Variants in FKBP1A observed in about 807,000 individuals in gnomAD.
The protein encoded by FKBP1A is FKBP prolyl isomerase 1A, also known as peptidyl-prolyl cis-trans isomerase FKBP1A.
Under a neutral mutation model 14.2 loss-of-function variants are expected in FKBP1A, and 5 were observed. That is an observed-to-expected ratio of 0.35 (90% CI 0.18 to 0.74). FKBP1A has a LOEUF of 0.74. FKBP1A is among the 30% of genes least tolerant of loss of function. The pLI is 0.56. For synonymous variants in FKBP1A, 42 were observed against 49.1 expected (o/e 0.86, Z 0.60); for missense variants, 53 against 138.8 (o/e 0.38, Z 3.10).
At position 1,380,080 on chromosome 20, in the gene FKBP1A, C is replaced by T. The variant is rs1293230684; in HGVS notation, c.86-4477G>A. 2.6e-5 allele frequency among the ~76,000 whole-genome samples: 4 copies of T among 151,960 alleles called. No homozygotes were observed. The East Asian group carries it at 7.7e-4, about 29-fold the overall frequency. On this transcript the variant is annotated intron_variant, in intron 2 of 4. Transcript: ENST00000400137. Reference sequence around the variant, plus strand: ...ACAACCAACAACCAACCAACCAACCCCTTCCTCCCTACAAAAAGTCCACTA... The same window carrying T: ...ACAACCAACAACCAACCAACCAACCTCTTCCTCCCTACAAAAAGTCCACTA...
Position 1,379,351 on chromosome 20 carries a change from T to TCTGCTG in FKBP1A, c.86-3754_86-3749dup, listed in dbSNP as rs919112170. The stretch of plus-strand genomic sequence containing the variant: ...AGCACTAGGCAGGACACAGCCTGAA[T>TCTGCTG]CTGCTGCTGCTGCTGCTGCTGAGCC... On this transcript the variant is annotated intron_variant, in intron 2 of 4. Coordinates refer to ENST00000400137, the MANE Select transcript of FKBP1A (RefSeq NM_000801.5). This position sits in a 1 kb window ranked among gnomAD's most constrained non-coding sequence, Gnocchi z 4.3. 6.6e-6 allele frequency among the ~76,000 whole-genome samples: 1 copy of TCTGCTG among 151,974 alleles called. No homozygotes were observed. The highest frequency in any genetic ancestry group is 2.4e-5 in the African/African-American group (1 of 41,434).
Position 1,372,163 on chromosome 20 carries a change from G to A in FKBP1A, c.276C>T (p.Ile92=), listed in dbSNP as rs771617043. The A allele has an allele frequency of 3.1e-6, 5 of 1,613,628 alleles. No homozygotes were observed. Among genetic ancestry groups the A allele is most frequent in the African/African-American group, 1.3e-5 (1 of 74,918 alleles). ...CGAAGACGAGAGTGGCATGTGGTGG[G>A]ATGATGCCTGGGTGCCCAGTGGCAC... The part of the protein sequence containing the change: ...AYGATGHPGI[I]PPHATLVFDV... Residue 92 remains isoleucine (I), a synonymous_variant, in exon 4 of 5, where the codon ATC becomes ATT. Coordinates refer to ENST00000400137, the MANE Select transcript of FKBP1A (RefSeq NM_000801.5).
At chr20:1,370,357 A>G (rs2089447363) in intron 4 of FKBP1A, 11 of 985,310 alleles carry the variant, frequency 1.1e-5, no homozygotes, top group Non-Finnish European at 1.3e-5. Context: ...TGCTGACAAT[A>G]CAGTTCCCCA....
chr20:1,391,026 T>C (rs2089729334), intron 2 of FKBP1A, among the ~76,000 whole-genome samples: 1 of 152,130 alleles, frequency 6.6e-6, no homozygotes, highest in African/African-American at 2.4e-5. Flanking sequence ...GCTCCAGACA[T>C]GCTGTGTGGG....
At position 1,376,593 on chromosome 20, in the gene FKBP1A, C is replaced by T. The variant is rs899927928; in HGVS notation, c.86-990G>A. On this transcript the variant is annotated intron_variant, in intron 2 of 4. Coordinates refer to ENST00000400137, the MANE Select transcript of FKBP1A (RefSeq NM_000801.5). Reference sequence around the variant, plus strand: ...TGAGTTACTCTAAATGGGCTAGGTGCTTTCCACACATGAACGAATGCAATT... The same window carrying T: ...TGAGTTACTCTAAATGGGCTAGGTGTTTTCCACACATGAACGAATGCAATT... 1.4e-4 allele frequency among the ~76,000 whole-genome samples: 21 copies of T among 152,148 alleles called. 1 individual carries two copies. The highest frequency in any genetic ancestry group is 1.1e-3 in the Admixed American group (17 of 15,282).
In FKBP1A at chr20:1,370,451, T is replaced by C. The variant is rs553050231; in HGVS notation, c.*37-379A>G. 25 of 972,252 alleles carry C rather than the reference T, an allele frequency of 2.6e-5. No individual in the cohort carries two copies. In the East Asian group the frequency reaches 2.5e-3, roughly 98 times the overall value. The allele number at this position is 972,252 out of a possible 1,614,324, so 60.2% of individuals were successfully genotyped here. On this transcript the variant is annotated intron_variant, in intron 4 of 4. Transcript: ENST00000400137. ...TCTTAATGCCTGGGTTCCACTCCCA[T>C]GATTATGATTAACTGGTTTAGGGTT...
chr20:1,369,388 A>C lies in FKBP1A; in HGVS notation c.*721T>G, dbSNP rs930666919. 1.1e-4 allele frequency: 19 copies of C among 166,778 alleles called. No individual in the cohort carries two copies. Among genetic ancestry groups the C allele is most frequent in the African/African-American group, 4.6e-4 (19 of 41,402 alleles). 10.3% of individuals were successfully genotyped at this position (166,778 alleles called of 1,614,324 possible). The stretch of plus-strand genomic sequence containing the variant: ...TTAGAAAAACCACAGGATGAAAAAA[A>C]AAAAAGGCCACAAAGAAGGCTTCAG... On this transcript the variant is annotated 3_prime_UTR_variant, in exon 5 of 5. Transcript: ENST00000400137.
chr20:1,372,281 G>A (rs749261925), intron 3 of FKBP1A, 41 bp from the exon 4 acceptor site: 4 of 1,600,926 alleles, frequency 2.5e-6, no homozygotes, highest in East Asian at 2.2e-5. Flanking sequence ...CTGGACACAT[G>A]CCCCAACTGT....
rs549259504 is a variant in FKBP1A, at chr20:1,392,669, C to G, written c.85+165G>C. Among the ~76,000 whole-genome samples the G allele has an allele frequency of 8.1e-3, 1,231 of 152,154 alleles. 14 individuals are homozygous for G. Among genetic ancestry groups the G allele is most frequent in the Admixed American group, 0.017 (258 of 15,298 alleles). Reference sequence around the variant, plus strand: ...AGACCCGCCCGGGTTCCGCAAGCCCCAGGCTGCCCCTGAGCCACCGCCCAG... The same window carrying G: ...AGACCCGCCCGGGTTCCGCAAGCCCGAGGCTGCCCCTGAGCCACCGCCCAG... On this transcript the variant is annotated intron_variant, in intron 2 of 4. Coordinates refer to ENST00000400137, the MANE Select transcript of FKBP1A (RefSeq NM_000801.5).
At chr20:1,389,489 G>C (rs1406497821) in intron 2 of FKBP1A, among the ~76,000 whole-genome samples, 1 of 152,124 alleles carries the variant, frequency 6.6e-6, no homozygotes, top group Non-Finnish European at 1.5e-5. Context: ...GAAAAGCAAG[G>C]GGCTTGAGGG....
In FKBP1A at chr20:1,379,548, C is replaced by T. The variant is rs1379116870; in HGVS notation, c.86-3945G>A. Among the ~76,000 whole-genome samples the T allele has an allele frequency of 1.3e-5, 2 of 152,114 alleles. No homozygotes were observed. The highest frequency in any genetic ancestry group is 4.8e-5 in the African/African-American group (2 of 41,418). On this transcript the variant is annotated intron_variant, in intron 2 of 4. Transcript: ENST00000400137. This position sits in a 1 kb window ranked among gnomAD's most constrained non-coding sequence, Gnocchi z 4.3. The stretch of plus-strand genomic sequence containing the variant: ...AAAGGAGCTTTAAACAGGACCTTTG[C>T]CTAGGATCTTAATTTTCCTATGCTA...
At chr20:1,370,896 A>C in intron 4 of FKBP1A, 2 of 985,492 alleles carry the variant, frequency 2.0e-6, no homozygotes, top group Non-Finnish European at 2.4e-6. Context: ...AAGGCCCTGT[A>C]AAGTGCCAGG....
intron 2 of FKBP1A, among the ~76,000 whole-genome samples, chr20:1,388,292 A>T (rs749166223): frequency 1.3e-5 from 2 of 152,250 alleles, no homozygotes; most frequent in African/African-American, 4.8e-5. Context: ...GGAGTATTCT[A>T]TAACTAGCCT....
chr20:1,375,205 TTATGTAGTGG>T (rs2089524204), intron 3 of FKBP1A: 4 of 554,540 alleles, frequency 7.2e-6, no homozygotes, highest in Non-Finnish European at 1.3e-5. Context: ...TACTCCTCTT[TTATGTAGTGG>T]TATTGCAAGT....
At chr20:1,383,153 TG>T (rs1386044743) in intron 2 of FKBP1A, among the ~76,000 whole-genome samples, 1 of 152,076 alleles carries the variant, frequency 6.6e-6, no homozygotes, top group Non-Finnish European at 1.5e-5. Context: ...CACTCTGCTT[TG>T]GGGAAGGGCA....
At position 1,376,541 on chromosome 20, in the gene FKBP1A, G is replaced by A. The variant is rs13433247; in HGVS notation, c.86-938C>T. 6.5e-3 allele frequency among the ~76,000 whole-genome samples: 988 copies of A among 152,286 alleles called. 17 individuals are homozygous for A. Among genetic ancestry groups the A allele is most frequent in the African/African-American group, 0.023 (958 of 41,552 alleles). On this transcript the variant is annotated intron_variant, in intron 2 of 4. Transcript: ENST00000400137. ...ACTCAGTAAACCCAGCCAACTGCTA[G>A]CAACTCTGTGGCCAGTGGTTCCACT... is the stretch of plus-strand genomic sequence containing the variant.
At chr20:1,376,824 C>G (rs1025014133) in intron 2 of FKBP1A, 1 of 152,046 alleles carries the variant, frequency 6.6e-6, no homozygotes, top group Non-Finnish European at 1.5e-5. Context: ...CAAGCCACGA[C>G]GGCGCCTTCC....
chr20:1,382,383 A>G (rs1202043686), intron 2 of FKBP1A, among the ~76,000 whole-genome samples: 1 of 152,238 alleles, frequency 6.6e-6, no homozygotes. Flanking sequence ...ATTGCCTTCT[A>G]ATTGCAGAAC....
intron 2 of FKBP1A, among the ~76,000 whole-genome samples, chr20:1,389,568 C>A (rs2089709082): frequency 6.6e-6 from 1 of 152,172 alleles, no homozygotes; most frequent in Non-Finnish European, 1.5e-5. Context: ...CTCCTGAGGA[C>A]ATGAGGTTGA....
Sources: gnomAD v4.1 joint callset for allele counts (sites outside exome capture counted in the v4.1 genomes callset) on GRCh38, gnomAD v4.1.1 for gene constraint, Gnocchi (gnomAD v3.1) non-coding constraint, MANE v1.5 for transcripts, NCBI Gene and HGNC (gene_info 2026-07-23, HGNC 2026-07-21) for gene names.